MCCC2: variants seen among roughly 807,000 people sequenced by gnomAD.
MCCC2 encodes the protein methylcrotonoyl-CoA carboxylase beta chain, mitochondrial.
MCCC2 carries 52 observed loss-of-function variants against 77.2 expected under a neutral mutation model. The ratio of observed to expected loss-of-function variants is 0.67; its 90% CI spans 0.54 to 0.85. The LOEUF is 0.85. Among genes scored for constraint, MCCC2 ranks in the 40% least tolerant of loss-of-function variants. The pLI is 0.00. For missense variants in MCCC2, 682 were observed against 703.2 expected (o/e 0.97, Z 0.34); for synonymous variants, 253 against 248.4 (o/e 1.02, Z -0.18).
chr5:71,604,220 C>T (rs752322966), intron 5 of MCCC2, 136 bp from the exon 6 acceptor site: 7 of 744,702 alleles, frequency 9.4e-6, no homozygotes, highest in Non-Finnish European at 1.6e-5. Flanking sequence ...GAACGAGGCT[C>T]TATAACAGTT....
At chr5:71,600,812 C>T (rs572268122) in intron 4 of MCCC2, among the ~76,000 whole-genome samples, 187 of 152,252 alleles carry the variant, frequency 1.2e-3, no homozygotes, top group Non-Finnish European at 2.2e-3. Context: ...TACTCCTGGC[C>T]CTGACTTGCT....
intron 10 of MCCC2, chr5:71,636,339 A>T (rs1222760993): frequency 1.9e-5 from 3 of 160,714 alleles, no homozygotes; most frequent in East Asian, 3.7e-4. Context: ...GTAAATTTTT[A>T]AATGAGGTTT....
At position 71,646,243 on chromosome 5, in the gene MCCC2, A is replaced by C. The variant is rs1297110708; in HGVS notation, c.1182A>C (p.Arg394Ser). 6.2e-7 allele frequency: 1 copy of C among 1,613,894 alleles called. No homozygotes were observed. The highest frequency in any genetic ancestry group is 8.5e-7 in the Non-Finnish European group (1 of 1,179,864). ...GTHFVQLCCQRNIPLLFLQNI... is the reference protein window; with the variant it reads ...GTHFVQLCCQSNIPLLFLQNI... The stretch of plus-strand genomic sequence containing the variant: ...ACTTTGTCCAGTTATGCTGCCAAAG[A>C]AATATTCCTCTGCTGTTCCTTCAAA... The change falls in exon 13 of 17, where the codon AGA becomes AGC. Residue 394 changes from arginine to serine, a missense_variant. Transcript: ENST00000340941.
rs1339423536 is a variant in MCCC2, at chr5:71,646,253, C to A, written c.1192C>A (p.Leu398Met). ...GTTATGCTGCCAAAGAAATATTCCT[C>A]TGCTGTTCCTTCAAAACATTACTGG... Reference protein sequence around the residue: ...VQLCCQRNIPLLFLQNITGFM... With the variant: ...VQLCCQRNIPMLFLQNITGFM... The change falls in exon 13 of 17, where the codon CTG becomes ATG. Residue 398 changes from leucine to methionine, a missense_variant. Coordinates refer to ENST00000340941, the MANE Select transcript of MCCC2 (RefSeq NM_022132.5). The A allele has an allele frequency of 1.9e-6, 3 of 1,613,662 alleles. No individual in the cohort carries two copies. The African/African-American group carries it at 4.0e-5, about 22-fold the overall frequency.
At chr5:71,641,261 A>G in intron 11 of MCCC2, 186 bp downstream of exon 11, 1 of 614,122 alleles carries the variant, frequency 1.6e-6, no homozygotes, top group Non-Finnish European at 2.9e-6. Flanking sequence ...TCATGGATCC[A>G]AATAGTTTAA....
At chr5:71,612,480 A>T (rs1385358275) in intron 6 of MCCC2, among the ~76,000 whole-genome samples, 1 of 152,206 alleles carries the variant, frequency 6.6e-6, no homozygotes, top group Non-Finnish European at 1.5e-5. Flanking sequence ...CCGTTGCATT[A>T]TCTATATGAA....
In MCCC2 at chr5:71,658,435, A is replaced by G. The variant is rs917031208; in HGVS notation, c.*1575A>G. The G allele has an allele frequency of 2.6e-5, 4 of 152,180 alleles. No individual in the cohort carries two copies. The highest frequency in any genetic ancestry group is 6.5e-5 in the Admixed American group (1 of 15,274). The allele number at this position is 152,180 out of a possible 1,614,324, so 9.4% of individuals were successfully genotyped here. On this transcript the variant is annotated 3_prime_UTR_variant, in exon 17 of 17. Coordinates refer to ENST00000340941, the MANE Select transcript of MCCC2 (RefSeq NM_022132.5). Reference sequence around the variant, plus strand: ...CTACTCTATGCTCTTGTAAAACACTATCTACTTCCTTTGTCATAAACTCAT... The same window carrying G: ...CTACTCTATGCTCTTGTAAAACACTGTCTACTTCCTTTGTCATAAACTCAT...
chr5:71,629,827 C>T (rs1173668093), intron 7 of MCCC2, among the ~76,000 whole-genome samples: 1 of 151,844 alleles, frequency 6.6e-6, no homozygotes, highest in Non-Finnish European at 1.5e-5. Flanking sequence ...GAGGAAAATG[C>T]ACTCAAAATT....
rs1267519825 is a variant in MCCC2, at chr5:71,587,585, CGGTGCCAG to C, written c.129+33_129+40del. 3.3e-6 allele frequency: 5 copies of C among 1,529,262 alleles called. No individual in the cohort carries two copies. In the Admixed American group the frequency reaches 7.9e-5, roughly 24 times the overall value. 94.7% of individuals were successfully genotyped at this position (1,529,262 alleles called of 1,614,324 possible). A position where few individuals can be genotyped will look rare whatever the true frequency, so the allele number is the denominator to read the frequency against. ...CTGAGCGCCCCGGTGGCCTGGCCGC[CGGTGCCAG>C]GCTAGGAAGCAAGTGGAGGAGGGGC... On this transcript the variant is annotated intron_variant, in intron 1 of 16. Transcript: ENST00000340941.
chr5:71,647,426 A>G lies in MCCC2; in HGVS notation c.1216+1149A>G, dbSNP rs926388586. Among the ~76,000 whole-genome samples the G allele has an allele frequency of 1.3e-4, 20 of 152,364 alleles. No homozygotes were observed. In the East Asian group the frequency reaches 2.9e-3, roughly 22 times the overall value. On this transcript the variant is annotated intron_variant, in intron 13 of 16. Coordinates refer to ENST00000340941, the MANE Select transcript of MCCC2 (RefSeq NM_022132.5). Reference sequence around the variant, plus strand: ...TGGTAACTTATGTAAAAGGGCAGATAGAAAGGATTCTGAAGCCTAACTATA... The same window carrying G: ...TGGTAACTTATGTAAAAGGGCAGATGGAAAGGATTCTGAAGCCTAACTATA...
At position 71,626,737 on chromosome 5, in the gene MCCC2, T is replaced by C; in HGVS notation, c.722T>C (p.Leu241Ser). 6 of 1,614,230 alleles carry C rather than the reference T, an allele frequency of 3.7e-6. No individual in the cohort carries two copies. The highest frequency in any genetic ancestry group is 5.1e-6 in the Non-Finnish European group (6 of 1,180,028). ...GTACGCAAGCAGGGTACCATTTTCT[T>C]GGCAGGACCCCCCTTGGTAAGAACA... ...IIVRKQGTIFLAGPPLVKAAT... is the reference protein window; with the variant it reads ...IIVRKQGTIFSAGPPLVKAAT... Residue 241 changes from leucine (L) to serine (S), a missense_variant, in exon 7 of 17, where the codon TTG (leucine) becomes TCG (serine). Physicochemically the swap from Leu to Ser is moderately radical, Grantham distance 145. Transcript: ENST00000340941.
intron 7 of MCCC2, among the ~76,000 whole-genome samples, chr5:71,629,663 A>T (rs1746646162): frequency 6.6e-6 from 1 of 152,008 alleles, no homozygotes; most frequent in Admixed American, 6.6e-5. Context: ...CTTTTACTGA[A>T]GATCAGGTAG....
In MCCC2 at chr5:71,656,909, TGTA is replaced by T; in HGVS notation, c.*54_*56del. 1.4e-6 allele frequency: 2 copies of T among 1,405,718 alleles called. No individual in the cohort carries two copies. Among genetic ancestry groups the T allele is most frequent in the Middle Eastern group, 1.8e-4 (1 of 5,646 alleles). The allele number at this position is 1,405,718 out of a possible 1,614,324, so 87.1% of individuals were successfully genotyped here. On this transcript the variant is annotated 3_prime_UTR_variant, in exon 17 of 17. Transcript: ENST00000340941. ...TGGACATGTACTGAAAATTAACACA[TGTA>T]GTAGCCTTAAAATTTTAGACTTCTC...
At chr5:71,653,850 CAAAA>C (rs33938603) in intron 16 of MCCC2, among the ~76,000 whole-genome samples, 10 of 122,614 alleles carry the variant, frequency 8.2e-5, no homozygotes, top group Admixed American at 1.6e-4. Context: ...GGCCCTATCT[CAAAA>C]AAAAAAAAAA....
intron 8 of MCCC2, among the ~76,000 whole-genome samples, chr5:71,633,156 G>T: frequency 8.7e-6 from 1 of 115,584 alleles, no homozygotes; most frequent in Non-Finnish European, 1.8e-5. Context: ...AGAAACAGGT[G>T]TCTCACTGTA....
chr5:71,609,854 G>A (rs1442757517), intron 6 of MCCC2, among the ~76,000 whole-genome samples: 1 of 152,018 alleles, frequency 6.6e-6, no homozygotes, highest in Non-Finnish European at 1.5e-5. Context: ...GCCCCTGCTG[G>A]GGGGTGCCTC....
At chr5:71,650,016 A>T in intron 14 of MCCC2, 53 bp from the exon 15 acceptor site, 1 of 1,417,052 alleles carries the variant, frequency 7.1e-7, no homozygotes, top group South Asian at 1.2e-5. Context: ...GGCCTCTGAA[A>T]ATCTATGTTG....
chr5:71,628,958 C>G (rs868336407), intron 7 of MCCC2, among the ~76,000 whole-genome samples: 1 of 152,112 alleles, frequency 6.6e-6, no homozygotes, highest in Admixed American at 6.5e-5. Flanking sequence ...GTAATCCCAG[C>G]GCTTTGGGAG....
chr5:71,634,680 T>A (rs962661118), intron 8 of MCCC2, among the ~76,000 whole-genome samples: 3 of 152,214 alleles, frequency 2.0e-5, no homozygotes, highest in Admixed American at 6.5e-5. Context: ...GGGGTTCTTA[T>A]GTAGCTACTT....
Sources: gnomAD v4.1 joint callset for allele counts (sites outside exome capture counted in the v4.1 genomes callset) on GRCh38, gnomAD v4.1.1 for gene constraint, MANE v1.5 for transcripts, NCBI Gene and HGNC (gene_info 2026-07-23, HGNC 2026-07-21) for gene names.